SCGB2A1: variants seen among roughly 807,000 people sequenced by gnomAD.
The protein encoded by SCGB2A1 is mammaglobin-B.
In SCGB2A1, 6 loss-of-function variants were observed where a neutral mutation model predicts 9.2. The ratio of observed to expected loss-of-function variants is 0.66; its 90% CI spans 0.36 to 1.29. The LOEUF is 1.29. SCGB2A1 is among the 50% of genes most tolerant of loss of function. SCGB2A1 has a pLI of 0.03. For missense variants in SCGB2A1, 138 were observed against 116.9 expected (o/e 1.18, Z -0.83); for synonymous variants, 37 against 41.0 (o/e 0.90, Z 0.37).
intron 2 of SCGB2A1, among the ~76,000 whole-genome samples, chr11:62,213,032 A>ACATATGTG (rs1565121463): frequency 1.8e-5 from 1 of 55,594 alleles, no homozygotes; most frequent in African/African-American, 6.3e-5. Context: ...ACATATATAC[A>ACATATGTG]CACATATATA....
At chr11:62,213,106 A>ATTTTTTTTTTT (rs1554985926) in intron 2 of SCGB2A1, among the ~76,000 whole-genome samples, 18 of 116,232 alleles carry the variant, frequency 1.5e-4, no homozygotes, top group African/African-American at 4.5e-4. Context: ...ATATATATAT[A>ATTTTTTTTTTT]TTTTTTTTTT....
At chr11:62,210,747 C>A in intron 2 of SCGB2A1, 147 bp downstream of exon 2, 3 of 592,768 alleles carry the variant, frequency 5.1e-6, no homozygotes, top group South Asian at 3.1e-5. Flanking sequence ...GGCTGCTTTG[C>A]CACTTCACAT....
At chr11:62,213,099 T>TAA (rs1944851001) in intron 2 of SCGB2A1, among the ~76,000 whole-genome samples, 1 of 42,200 alleles carries the variant, frequency 2.4e-5, no homozygotes, top group Non-Finnish European at 6.4e-5. Flanking sequence ...CACATATATA[T>TAA]ATATATATTT....
At position 62,209,635 on chromosome 11, in the gene SCGB2A1, ATGTGTGTGTGTGTGTGTGTGTGTG is replaced by A. The variant is rs60357410; in HGVS notation, c.56-758_56-735del. On this transcript the variant is annotated intron_variant, in intron 1 of 2. Coordinates refer to ENST00000244930, the MANE Select transcript of SCGB2A1 (RefSeq NM_002407.3). ...CATGAACAAGCTCTATTTCACATTC[ATGTGTGTGTGTGTGTGTGTGTGTG>A]TGTGTGTGTGTGTGTGTGTTTGAGA... Among the ~76,000 whole-genome samples, 69 of 142,202 alleles carry A rather than the reference ATGTGTGTGTGTGTGTGTGTGTGTG, an allele frequency of 4.9e-4. 2 individuals are homozygous for A. The East Asian group carries it at 0.016, about 32-fold the overall frequency. 93.3% of individuals were successfully genotyped at this position (142,202 alleles called of 152,430 possible).
Position 62,210,473 on chromosome 11 carries a change from T to A in SCGB2A1, c.116T>A (p.Ile39Lys). ...VEKTINSDIS[I>K]PEYKELLQEF... is the part of the protein sequence containing the mutation. ...AAGACCATCAATTCCGACATATCTA[T>A]ACCTGAATACAAAGAGCTTCTTCAA... Residue 39 changes from isoleucine (I) to lysine (K), a missense_variant, in exon 2 of 3, where the codon ATA becomes AAA. Ile to Lys is a moderately radical substitution (Grantham distance 102, BLOSUM62 -3). Transcript: ENST00000244930. 2.5e-6 allele frequency: 4 copies of A among 1,579,518 alleles called. No individual in the cohort carries two copies. Among genetic ancestry groups the A allele is most frequent in the Non-Finnish European group, 3.4e-6 (4 of 1,163,366 alleles).
At chr11:62,209,721 C>A (rs1944813387) in intron 1 of SCGB2A1, among the ~76,000 whole-genome samples, 1 of 150,926 alleles carries the variant, frequency 6.6e-6, no homozygotes, top group Admixed American at 6.6e-5. Flanking sequence ...GGGACTGGGA[C>A]TGGTGTGCAA....
intron 2 of SCGB2A1, among the ~76,000 whole-genome samples, chr11:62,212,986 A>ATG (rs1159953880): frequency 0.017 from 2,437 of 147,094 alleles, 113 homozygotes; most frequent in African/African-American, 0.056. Flanking sequence ...ATGTGCACAT[A>ATG]TACATGCATA....
chr11:62,208,804 A>T lies in SCGB2A1; in HGVS notation c.55+18A>T. ...CTATGCAGGTGAGTTCTGGGCAGAG[A>T]GGGCTGCTTCTGGGCTAGGAATTGT... is the stretch of plus-strand genomic sequence containing the variant. On this transcript the variant is annotated intron_variant, in intron 1 of 2. Transcript: ENST00000244930. The T allele has an allele frequency of 6.2e-7, 1 of 1,611,364 alleles. No individual in the cohort carries two copies. The highest frequency in any genetic ancestry group is 8.5e-7 in the Non-Finnish European group (1 of 1,178,718).
chr11:62,213,783 C>G lies in SCGB2A1; in HGVS notation c.*13C>G. The G allele has an allele frequency of 3.7e-6, 6 of 1,612,578 alleles. No individual in the cohort carries two copies. Among genetic ancestry groups the G allele is most frequent in the Non-Finnish European group, 5.1e-6 (6 of 1,178,818 alleles). On this transcript the variant is annotated 3_prime_UTR_variant, in exon 3 of 3. Coordinates refer to ENST00000244930, the MANE Select transcript of SCGB2A1 (RefSeq NM_002407.3). ...GAAGAGTAATTAACTTTACCCAAGG[C>G]GTTTGGCTCAGAGGGCTACAGACTA...
chr11:62,213,106 A>ATATATATTTT (rs67975205), intron 2 of SCGB2A1, among the ~76,000 whole-genome samples: 4,383 of 116,192 alleles, frequency 0.038, 376 homozygotes, highest in South Asian at 0.046. Flanking sequence ...ATATATATAT[A>ATATATATTTT]TTTTTTTTTT....
intron 1 of SCGB2A1, 68 bp from the exon 2 acceptor site, chr11:62,210,345 A>G (rs902662950): frequency 2.5e-5 from 37 of 1,499,686 alleles, no homozygotes; most frequent in Non-Finnish European, 3.0e-5. Flanking sequence ...ATTCATCTGT[A>G]GAATGAATCA....
chr11:62,212,973 T>TATATGTGCACAC lies in SCGB2A1; in HGVS notation c.244-742_244-741insCATATGTGCACA, dbSNP rs1944844136. On this transcript the variant is annotated intron_variant, in intron 2 of 2. Coordinates refer to ENST00000244930, the MANE Select transcript of SCGB2A1 (RefSeq NM_002407.3). ...ACACATATGTACACATATGTACACA[T>TATATGTGCACAC]ATATGTGCACATATACATGCATATA... Among the ~76,000 whole-genome samples, 15 of 138,758 alleles carry TATATGTGCACAC rather than the reference T, an allele frequency of 1.1e-4. 1 individual carries two copies. Among genetic ancestry groups the TATATGTGCACAC allele is most frequent in the African/African-American group, 4.0e-4 (15 of 37,936 alleles). The allele number at this position is 138,758 out of a possible 152,430, so 91.0% of individuals were successfully genotyped here.
At chr11:62,210,204 G>C (rs1435187037) in intron 1 of SCGB2A1, among the ~76,000 whole-genome samples, 1 of 152,110 alleles carries the variant, frequency 6.6e-6, no homozygotes, top group Non-Finnish European at 1.5e-5. Flanking sequence ...GGGCTTCTCT[G>C]GGTTTGGAAG....
rs767073286 is a variant in SCGB2A1 at position 62,213,703 on chromosome 11, A to G, written c.244-23A>G. 1.9e-6 allele frequency: 3 copies of G among 1,604,326 alleles called. No individual in the cohort carries two copies. The African/African-American group carries it at 4.0e-5, about 22-fold the overall frequency. ...TTAATAAGTGAAATTTGCAAACCTAAGTGACCTGCTTTTGTTTTCCAGCAT... is the reference window on the plus strand; with the variant it reads ...TTAATAAGTGAAATTTGCAAACCTAGGTGACCTGCTTTTGTTTTCCAGCAT... On this transcript the variant is annotated intron_variant, in intron 2 of 2. Coordinates refer to ENST00000244930, the MANE Select transcript of SCGB2A1 (RefSeq NM_002407.3).
chr11:62,213,028 A>G lies in SCGB2A1; in HGVS notation c.244-698A>G, dbSNP rs1565121450. Among the ~76,000 whole-genome samples, 23 of 59,104 alleles carry G rather than the reference A, an allele frequency of 3.9e-4. 1 individual carries two copies. Among genetic ancestry groups the G allele is most frequent in the African/African-American group, 1.0e-3 (20 of 19,682 alleles). 38.8% of individuals were successfully genotyped at this position (59,104 alleles called of 152,430 possible). ...CACATATATGCACATATATACATAT[A>G]TACACACATATATACATATATACAC... is the stretch of plus-strand genomic sequence containing the variant. On this transcript the variant is annotated intron_variant, in intron 2 of 2. Transcript: ENST00000244930.
Position 62,212,992 on chromosome 11 carries a change from G to GTACACATATATGTGCA in SCGB2A1, c.244-734_244-733insTACACATATATGTGCA, listed in dbSNP as rs1554985836. Among the ~76,000 whole-genome samples, 153 of 112,094 alleles carry GTACACATATATGTGCA rather than the reference G, an allele frequency of 1.4e-3. 2 individuals are homozygous for GTACACATATATGTGCA. In the Middle Eastern group the frequency reaches 0.015, roughly 11 times the overall value. 73.5% of individuals were successfully genotyped at this position (112,094 alleles called of 152,430 possible). ...TACACATATATGTGCACATATACAT[G>GTACACATATATGTGCA]CATATATGTACACATATATGCACAT... On this transcript the variant is annotated intron_variant, in intron 2 of 2. Transcript: ENST00000244930.
chr11:62,211,976 G>T (rs1944834880), intron 2 of SCGB2A1, among the ~76,000 whole-genome samples: 1 of 152,112 alleles, frequency 6.6e-6, no homozygotes, highest in Non-Finnish European at 1.5e-5. Context: ...AGGCTGGAGT[G>T]CAATGGCACG....
At chr11:62,210,366 A>G (rs764301718) in intron 1 of SCGB2A1, 47 bp from the exon 2 acceptor site, 8 of 1,520,664 alleles carry the variant, frequency 5.3e-6, no homozygotes, top group Non-Finnish European at 7.0e-6. Flanking sequence ...CACCTCTAGT[A>G]ATGGCCCATG....
At position 62,208,776 on chromosome 11, in the gene SCGB2A1, C is replaced by G; in HGVS notation, c.45C>G (p.His15Gln). The stretch of plus-strand genomic sequence containing the variant: ...TCATGCTGGCGGCCCTCCTCCTGCA[C>G]TGCTATGCAGGTGAGTTCTGGGCAG... ...MVLMLAALLL[H>Q]CYADSGCKLL... The change falls in exon 1 of 3, where the codon CAC becomes CAG. Residue 15 changes from histidine (H) to glutamine (Q), a missense_variant. His to Gln is a conservative substitution (Grantham distance 24). Coordinates refer to ENST00000244930, the MANE Select transcript of SCGB2A1 (RefSeq NM_002407.3). 6.2e-7 allele frequency: 1 copy of G among 1,613,380 alleles called. No homozygotes were observed. Among genetic ancestry groups the G allele is most frequent in the South Asian group, 1.1e-5 (1 of 91,072 alleles).
Sources: allele counts gnomAD v4.1 joint callset (sites outside exome capture counted in the v4.1 genomes callset), GRCh38; gene constraint gnomAD v4.1.1; transcripts MANE v1.5; gene names NCBI Gene and HGNC (gene_info 2026-07-23, HGNC 2026-07-21).